Variants in RASAL2 observed in about 807,000 individuals in gnomAD.
RASAL2 encodes ras GTPase-activating protein nGAP.
A neutral mutation model predicts 128.9 loss-of-function variants in RASAL2; 58 were observed. That is an observed-to-expected ratio of 0.45 (90% CI 0.36 to 0.56). The LOEUF (loss-of-function observed/expected upper bound fraction) is 0.56. RASAL2 is among the 20% of genes least tolerant of loss of function. The pLI, the probability that RASAL2 is intolerant of heterozygous loss-of-function variation, is 0.00. For synonymous variants in RASAL2, 561 were observed against 580.8 expected (o/e 0.97, Z 0.49); for missense variants, 1,360 against 1,601.6 (o/e 0.85, Z 2.57).
At chr1:178,241,376 C>T (rs993809459) in intron 1 of RASAL2, among the ~76,000 whole-genome samples, 1 of 152,154 alleles carries the variant, frequency 6.6e-6, no homozygotes, top group Non-Finnish European at 1.5e-5. Context: ...CAATCTCTTT[C>T]ACGTGTGTTG....
chr1:178,226,785 C>G (rs1366616753), intron 1 of RASAL2, among the ~76,000 whole-genome samples: 1 of 152,032 alleles, frequency 6.6e-6, no homozygotes, highest in African/African-American at 2.4e-5. Flanking sequence ...TACAAAAATA[C>G]AAAAACTAGC....
At chr1:178,361,704 G>A (rs2066412) in intron 3 of RASAL2, among the ~76,000 whole-genome samples, 3,505 of 152,112 alleles carry the variant, frequency 0.023, 64 homozygotes, top group Middle Eastern at 0.058. Flanking sequence ...GGAGGGAGTC[G>A]GGGGTGGGGG....
At chr1:178,472,237 T>C (rs1648340149) in intron 17 of RASAL2, among the ~76,000 whole-genome samples, 1 of 152,238 alleles carries the variant, frequency 6.6e-6, no homozygotes, top group Non-Finnish European at 1.5e-5. Context: ...CTATTTTTTT[T>C]CCTCTTTTCT....
intron 1 of RASAL2, among the ~76,000 whole-genome samples, chr1:178,096,483 TGTGTAA>T (rs1046674792): frequency 5.3e-5 from 8 of 151,670 alleles, no homozygotes; most frequent in African/African-American, 1.9e-4. Flanking sequence ...TGTGTGTGTG[TGTGTAA>T]GAGAGAGAGA....
At chr1:178,218,718 C>T (rs892461429) in intron 1 of RASAL2, among the ~76,000 whole-genome samples, 1 of 152,170 alleles carries the variant, frequency 6.6e-6, no homozygotes, top group African/African-American at 2.4e-5. Flanking sequence ...ATGCTTAAAA[C>T]AGATGTGCTG....
chr1:178,258,570 C>T (rs1571722775), intron 1 of RASAL2, among the ~76,000 whole-genome samples: 1 of 152,186 alleles, frequency 6.6e-6, no homozygotes, highest in Non-Finnish European at 1.5e-5. Context: ...TGAGATACCA[C>T]ATCTTGCTAT....
intron 1 of RASAL2, among the ~76,000 whole-genome samples, chr1:178,112,050 G>T (rs528849858): frequency 6.6e-6 from 1 of 152,108 alleles, no homozygotes; most frequent in East Asian, 1.9e-4. Context: ...TTTTAAAATT[G>T]ATTTTTTCTT....
In RASAL2 at chr1:178,475,548, T is replaced by A. The variant is rs1052331493; in HGVS notation, c.*2309T>A. On this transcript the variant is annotated 3_prime_UTR_variant, in exon 18 of 18. Coordinates refer to ENST00000367649, the MANE Select transcript of RASAL2 (RefSeq NM_170692.4). ...AATTGTCAGTTTCATTGGCCATAAG[T>A]ATGTAATGTGGGTGATGTCTTGCCA... The A allele has an allele frequency of 3.3e-5, 5 of 152,206 alleles. No individual in the cohort carries two copies. The highest frequency in any genetic ancestry group is 1.2e-4 in the African/African-American group (5 of 41,454). The allele number at this position is 152,206 out of a possible 1,614,324, so 9.4% of individuals were successfully genotyped here. A position where few individuals can be genotyped will look rare whatever the true frequency, so the allele number is the denominator to read the frequency against.
At chr1:178,237,468 G>A (rs1007819777) in intron 1 of RASAL2, among the ~76,000 whole-genome samples, 2 of 152,130 alleles carry the variant, frequency 1.3e-5, no homozygotes, top group African/African-American at 2.4e-5. Context: ...AGAATGTTGA[G>A]ACTAGCATCC....
intron 1 of RASAL2, among the ~76,000 whole-genome samples, chr1:178,188,595 T>C (rs917541968): frequency 2.0e-5 from 3 of 152,166 alleles, no homozygotes; most frequent in Non-Finnish European, 4.4e-5. Context: ...AGTCTGCCAC[T>C]AAAGGAATTT....
intron 3 of RASAL2, among the ~76,000 whole-genome samples, chr1:178,336,976 G>T (rs1258123431): frequency 3.3e-5 from 5 of 151,672 alleles, no homozygotes; most frequent in African/African-American, 1.2e-4. Context: ...TTGAACTGTG[G>T]TCTTGTTCAC....
intron 1 of RASAL2, among the ~76,000 whole-genome samples, chr1:178,147,310 G>A (rs1166248552): frequency 1.3e-5 from 2 of 151,794 alleles, no homozygotes; most frequent in Non-Finnish European, 2.9e-5. Flanking sequence ...GCAACATGGC[G>A]GAACCCTCCC....
At chr1:178,369,366 C>T (rs1571942804) in intron 3 of RASAL2, among the ~76,000 whole-genome samples, 2 of 152,124 alleles carry the variant, frequency 1.3e-5, no homozygotes, top group Middle Eastern at 6.8e-3. Context: ...GGATTACAGG[C>T]GTGCACCACC....
At chr1:178,439,909 T>G (rs778017578) in intron 6 of RASAL2, among the ~76,000 whole-genome samples, 8 of 152,064 alleles carry the variant, frequency 5.3e-5, no homozygotes, top group Non-Finnish European at 1.2e-4. Flanking sequence ...ACTCATCATG[T>G]TATTTTTCTA....
At chr1:178,336,831 AT>A (rs1669609860) in intron 3 of RASAL2, among the ~76,000 whole-genome samples, 1 of 152,038 alleles carries the variant, frequency 6.6e-6, no homozygotes, top group African/African-American at 2.4e-5. Context: ...TTCATTGTTT[AT>A]TCATGAATTT....
intron 1 of RASAL2, among the ~76,000 whole-genome samples, chr1:178,216,722 C>T (rs1663433636): frequency 6.6e-6 from 1 of 152,172 alleles, no homozygotes; most frequent in Non-Finnish European, 1.5e-5. Flanking sequence ...TCACTGCAGC[C>T]TCTGCCTCCT....
At chr1:178,191,071 T>C (rs1271823963) in intron 1 of RASAL2, among the ~76,000 whole-genome samples, 1 of 152,224 alleles carries the variant, frequency 6.6e-6, no homozygotes, top group East Asian at 1.9e-4. Flanking sequence ...CACTGAGAGA[T>C]ACTTAGGATG....
chr1:178,218,471 G>A (rs1193752837), intron 1 of RASAL2, among the ~76,000 whole-genome samples: 1 of 152,178 alleles, frequency 6.6e-6, no homozygotes, highest in African/African-American at 2.4e-5. Flanking sequence ...CGGATTACCT[G>A]AGGTCAGGAG....
chr1:178,392,321 C>T (rs998739728), intron 4 of RASAL2, among the ~76,000 whole-genome samples: 2 of 152,066 alleles, frequency 1.3e-5, no homozygotes, highest in Admixed American at 1.3e-4. Context: ...AGAAAGTACT[C>T]CAGGCTGTGG....
Sources: gnomAD v4.1 joint callset for allele counts (sites outside exome capture counted in the v4.1 genomes callset) on GRCh38, gnomAD v4.1.1 for gene constraint, MANE v1.5 for transcripts, NCBI Gene and HGNC (gene_info 2026-07-23, HGNC 2026-07-21) for gene names.